ARHGAP32: variants seen among roughly 807,000 people sequenced by gnomAD.
The protein encoded by ARHGAP32 is Rho GTPase activating protein 32.
A neutral mutation model predicts 186.5 loss-of-function variants in ARHGAP32; 51 were observed. The observed-to-expected ratio is 0.27, with a 90% CI of 0.22 to 0.35. The LOEUF (loss-of-function observed/expected upper bound fraction) is 0.35. Among genes scored for constraint, ARHGAP32 ranks in the 10% least tolerant of loss-of-function variants. The pLI is 1.00. For missense variants in ARHGAP32, 2,186 were observed against 2,623.5 expected (o/e 0.83, Z 3.64); for synonymous variants, 950 against 964.3 (o/e 0.99, Z 0.27).
intron 1 of ARHGAP32, among the ~76,000 whole-genome samples, chr11:129,233,104 ATAT>A (rs1163718008): frequency 7.2e-5 from 11 of 152,048 alleles, no homozygotes; most frequent in Non-Finnish European, 1.2e-4. Context: ...TTGGAGTATA[ATAT>A]TATACTCCAA....
chr11:129,242,285 G>A (rs1354945017), intron 1 of ARHGAP32, among the ~76,000 whole-genome samples: 1 of 152,198 alleles, frequency 6.6e-6, no homozygotes, highest in African/African-American at 2.4e-5. Context: ...CAGAGGGCTA[G>A]TGTTTTAGGA....
intron 12 of ARHGAP32, among the ~76,000 whole-genome samples, chr11:128,994,784 A>T (rs958634857): frequency 1.3e-5 from 2 of 152,218 alleles, no homozygotes; most frequent in Non-Finnish European, 2.9e-5. Context: ...GCTTCATTTG[A>T]ATGTTCAAAT....
chr11:129,109,877 C>T (rs1343039655), intron 5 of ARHGAP32, among the ~76,000 whole-genome samples: 1 of 151,926 alleles, frequency 6.6e-6, no homozygotes, highest in East Asian at 1.9e-4. Context: ...CAAATATTTC[C>T]TCCCACTCCA....
chr11:129,178,458 G>C (rs1943970551), intron 1 of ARHGAP32, among the ~76,000 whole-genome samples: 1 of 151,882 alleles, frequency 6.6e-6, no homozygotes, highest in Non-Finnish European at 1.5e-5. Flanking sequence ...AGTTCATATG[G>C]AACCAAAAAA....
At chr11:129,194,948 TG>T (rs60585805), upstream of ARHGAP32, among the ~76,000 whole-genome samples, 16,752 of 118,432 alleles carry the variant, frequency 0.14, 1,141 homozygotes, top group Admixed American at 0.19. Context: ...TGTTTTTTTG[TG>T]GGGGGGGGGG....
At chr11:129,191,104 A>C (rs1944262147) in intron 1 of ARHGAP32, among the ~76,000 whole-genome samples, 1 of 152,220 alleles carries the variant, frequency 6.6e-6, no homozygotes, top group Non-Finnish European at 1.5e-5. Context: ...GTGGATAAAG[A>C]AATCCTTTGA....
intron 11 of ARHGAP32, among the ~76,000 whole-genome samples, chr11:129,031,906 G>C (rs1939131195): frequency 4.6e-5 from 7 of 152,216 alleles, no homozygotes. Context: ...GAAGCAGACT[G>C]ACTTCAGAGG....
At chr11:129,190,428 G>A (rs1438135477) in intron 1 of ARHGAP32, among the ~76,000 whole-genome samples, 2 of 152,196 alleles carry the variant, frequency 1.3e-5, no homozygotes, top group African/African-American at 2.4e-5. Context: ...GAGCCATGGT[G>A]CTATTCAGAT....
intron 17 of ARHGAP32, 25 bp downstream of exon 17, chr11:128,981,391 G>A: frequency 6.4e-7 from 1 of 1,558,344 alleles, no homozygotes; most frequent in Non-Finnish European, 8.7e-7. Flanking sequence ...CACCCTCCTG[G>A]TAGGAAGGGC....
At chr11:129,121,891 G>A (rs1188197001) in intron 5 of ARHGAP32, among the ~76,000 whole-genome samples, 1 of 151,998 alleles carries the variant, frequency 6.6e-6, no homozygotes, top group African/African-American at 2.4e-5. Context: ...AGAGCCAAAC[G>A]CAGCTGAATA....
At chr11:129,219,183 G>C (rs1387628600) in intron 1 of ARHGAP32, among the ~76,000 whole-genome samples, 6 of 152,098 alleles carry the variant, frequency 3.9e-5, no homozygotes, top group Non-Finnish European at 8.8e-5. Context: ...CCCATTTGGG[G>C]CATTATTTCA....
intron 19 of ARHGAP32, among the ~76,000 whole-genome samples, chr11:128,977,763 A>C (rs559498756): frequency 1.2e-3 from 187 of 151,894 alleles, no homozygotes; most frequent in African/African-American, 4.3e-3. Context: ...TGCAGCCTCA[A>C]CCTCCTGGGC....
intron 11 of ARHGAP32, among the ~76,000 whole-genome samples, chr11:129,036,380 CAAAA>C (rs58678377): frequency 6.1e-5 from 6 of 98,698 alleles, no homozygotes; most frequent in African/African-American, 9.0e-5. Flanking sequence ...AACTCCGTCT[CAAAA>C]AAAAAAAAAA....
chr11:129,078,162 G>A (rs1040564836), intron 6 of ARHGAP32, among the ~76,000 whole-genome samples: 5 of 152,108 alleles, frequency 3.3e-5, no homozygotes, highest in Admixed American at 2.6e-4. Context: ...GCACCAGCCC[G>A]GAGCCTGGTA....
chr11:129,146,920 A>G (rs184280130), intron 2 of ARHGAP32, among the ~76,000 whole-genome samples: 135 of 152,210 alleles, frequency 8.9e-4, no homozygotes, highest in Admixed American at 4.6e-3. Context: ...GGGCTCCCTA[A>G]ATAAAAAATT....
chr11:129,015,539 C>T (rs1938298608), intron 11 of ARHGAP32, among the ~76,000 whole-genome samples: 1 of 152,120 alleles, frequency 6.6e-6, no homozygotes, highest in Non-Finnish European at 1.5e-5. Flanking sequence ...TTCCGCAATC[C>T]TATTCTCCTA....
rs191993718 is a variant in ARHGAP32 at position 129,155,066 on chromosome 11, A to G, written c.225+9253T>C. Among the ~76,000 whole-genome samples, 897 of 152,060 alleles carry G rather than the reference A, an allele frequency of 5.9e-3. 12 individuals carry two copies. Among genetic ancestry groups the G allele is most frequent in the African/African-American group, 0.021 (864 of 41,320 alleles). On this transcript the variant is annotated intron_variant, in intron 2 of 22. Coordinates refer to ENST00000682385, the MANE Select transcript of ARHGAP32 (RefSeq NM_001378024.1). ...AACTAAATGGAATTCAAACATTGGT[A>G]TACATAAATAAAGTTTTATTGGAAC...
intron 10 of ARHGAP32, among the ~76,000 whole-genome samples, chr11:129,056,944 CCGGTGACAGCCAACACCAAGA>C (rs1296032722): frequency 6.6e-6 from 1 of 152,168 alleles, no homozygotes; most frequent in Admixed American, 6.5e-5. Flanking sequence ...AGGAAAACCA[CCGGTGACAGCCAACACCAAGA>C]CGAGGCCCTC....
At position 129,114,256 on chromosome 11, in the gene ARHGAP32, A is replaced by G. The variant is rs761694966; in HGVS notation, c.444+9190T>C. Among the ~76,000 whole-genome samples, 7 of 152,048 alleles carry G rather than the reference A, an allele frequency of 4.6e-5. No homozygotes were observed. The South Asian group carries it at 6.2e-4, about 13-fold the overall frequency. On this transcript the variant is annotated intron_variant, in intron 5 of 22. Transcript: ENST00000682385. ...AAACACAAGCACCTTTGTCTGTACT[A>G]TTTTTCCTTGGCTGAGGGTTCTTCA...
Sources: gnomAD v4.1 joint callset for allele counts (sites outside exome capture counted in the v4.1 genomes callset) on GRCh38, gnomAD v4.1.1 for gene constraint, MANE v1.5 for transcripts, NCBI Gene and HGNC (gene_info 2026-07-23, HGNC 2026-07-21) for gene names.